The following FBXL17 variants were observed in gnomAD, a reference collection of about 807,000 sequenced individuals.
FBXL17 encodes the protein F-box/LRR-repeat protein 17.
In FBXL17, 22 loss-of-function variants were observed where a neutral mutation model predicts 66.2. That is an observed-to-expected ratio of 0.33 (90% CI 0.24 to 0.47). The LOEUF (loss-of-function observed/expected upper bound fraction) is 0.47, where lower values mean the gene tolerates loss of function less well. Ranked by LOEUF, FBXL17 falls within the 20% of genes least tolerant of loss-of-function variation. The pLI is 1.00. For synonymous variants in FBXL17, 474 were observed against 400.5 expected (o/e 1.18, Z -2.19); for missense variants, 878 against 948.2 (o/e 0.93, Z 0.97).
chr5:108,377,516 T>C (rs1749530070), intron 1 of FBXL17, among the ~76,000 whole-genome samples: 1 of 152,264 alleles, frequency 6.6e-6, no homozygotes, highest in South Asian at 2.1e-4. Flanking sequence ...CCAAAAGTGC[T>C]GGGACAGGAG....
intron 6 of FBXL17, among the ~76,000 whole-genome samples, chr5:108,093,237 C>A (rs1414139831): frequency 6.6e-6 from 1 of 151,428 alleles, no homozygotes; most frequent in Non-Finnish European, 1.5e-5. Context: ...TGTGCCATAA[C>A]CTACTGTTAT....
Position 108,053,128 on chromosome 5 carries a change from A to G in FBXL17, c.1746-32127T>C, listed in dbSNP as rs193287473. 3.3e-5 allele frequency among the ~76,000 whole-genome samples: 5 copies of G among 152,366 alleles called. No homozygotes were observed. In the East Asian group the frequency reaches 9.6e-4, roughly 29 times the overall value. On this transcript the variant is annotated intron_variant, in intron 6 of 8. Coordinates refer to ENST00000542267, the MANE Select transcript of FBXL17 (RefSeq NM_001163315.3). Reference sequence around the variant, plus strand: ...AAACCTAGGTGATACCATTCAGGACATAGGCAGTGGCAAAGACTTCAGGAC... The same window carrying G: ...AAACCTAGGTGATACCATTCAGGACGTAGGCAGTGGCAAAGACTTCAGGAC...
At chr5:108,230,378 T>C (rs899330266) in intron 4 of FBXL17, among the ~76,000 whole-genome samples, 2 of 152,140 alleles carry the variant, frequency 1.3e-5, no homozygotes, top group Non-Finnish European at 2.9e-5. Flanking sequence ...CACAACAGAA[T>C]ATTTCTCAGC....
chr5:107,943,587 G>T (rs112490205), intron 7 of FBXL17, among the ~76,000 whole-genome samples: 97 of 145,698 alleles, frequency 6.7e-4, no homozygotes, highest in African/African-American at 2.4e-3. Context: ...AATCATTGTA[G>T]TTAATCTTCC....
chr5:107,949,463 T>C (rs1217770864), intron 7 of FBXL17, among the ~76,000 whole-genome samples: 3 of 152,200 alleles, frequency 2.0e-5, no homozygotes, highest in Non-Finnish European at 2.9e-5. Flanking sequence ...AAAATCTTTT[T>C]ACAGACAACA....
At position 108,381,167 on chromosome 5, in the gene FBXL17, G is replaced by C; in HGVS notation, c.525C>G (p.Ala175=). ...GPVRFLGPPA[A]VQLFRGPTPS... ...GTGTCGGCCCCCGGAAGAGCTGCAC[G>C]GCGGCGGGCGGCCCCAGGAAGCGCA... is the stretch of plus-strand genomic sequence containing the variant. Residue 175 remains alanine, a synonymous_variant, in exon 1 of 9, where the codon GCC becomes GCG. Transcript: ENST00000542267. The C allele has an allele frequency of 2.8e-6, 4 of 1,426,972 alleles. No individual in the cohort carries two copies. Among genetic ancestry groups the C allele is most frequent in the Non-Finnish European group, 2.7e-6 (3 of 1,092,078 alleles). The allele number at this position is 1,426,972 out of a possible 1,614,324, so 88.4% of individuals were successfully genotyped here. A position where few individuals can be genotyped will look rare whatever the true frequency, so the allele number is the denominator to read the frequency against.
intron 7 of FBXL17, among the ~76,000 whole-genome samples, chr5:107,989,928 C>T (rs1396820496): frequency 6.6e-6 from 1 of 152,094 alleles, no homozygotes; most frequent in African/African-American, 2.4e-5. Flanking sequence ...TGAAAAGGAC[C>T]ACCACTGCTG....
intron 7 of FBXL17, among the ~76,000 whole-genome samples, chr5:107,902,171 T>C (rs1368672572): frequency 6.6e-6 from 1 of 152,098 alleles, no homozygotes; most frequent in Non-Finnish European, 1.5e-5. Context: ...GGTTTTTTAG[T>C]TTTTCTGTGT....
chr5:108,251,258 T>G (rs1362257558), intron 4 of FBXL17, among the ~76,000 whole-genome samples: 1 of 152,042 alleles, frequency 6.6e-6, no homozygotes. Flanking sequence ...ATTATCAAAC[T>G]TATTTTTGCC....
chr5:108,298,921 C>T, intron 4 of FBXL17: 1 of 940,938 alleles, frequency 1.1e-6, no homozygotes, highest in Non-Finnish European at 1.3e-6. Context: ...GTATAGCACA[C>T]TGATTTAAAT....
intron 7 of FBXL17, among the ~76,000 whole-genome samples, chr5:107,913,518 A>G (rs1226365794): frequency 6.6e-6 from 1 of 152,108 alleles, no homozygotes; most frequent in African/African-American, 2.4e-5. Flanking sequence ...GTCACTTTTT[A>G]TGTTCCCTTG....
intron 7 of FBXL17, among the ~76,000 whole-genome samples, chr5:107,916,273 G>C (rs1399787056): frequency 6.6e-6 from 1 of 152,182 alleles, no homozygotes; most frequent in East Asian, 1.9e-4. Flanking sequence ...TTAAGGTCAT[G>C]CTTTTAAAGT....
intron 6 of FBXL17, among the ~76,000 whole-genome samples, chr5:108,032,792 G>C (rs56108486): frequency 0.14 from 21,821 of 152,080 alleles, 1,659 homozygotes; most frequent in East Asian, 0.18. Context: ...ACAAGGTTGA[G>C]GTAATTTTTT....
intron 6 of FBXL17, among the ~76,000 whole-genome samples, chr5:108,161,326 AC>A (rs1028512814): frequency 6.6e-6 from 1 of 152,072 alleles, no homozygotes; most frequent in South Asian, 2.1e-4. Flanking sequence ...CTACTAAAAT[AC>A]AAAAAAAAAT....
At chr5:107,986,042 ATAT>A (rs928392369) in intron 7 of FBXL17, among the ~76,000 whole-genome samples, 3 of 152,140 alleles carry the variant, frequency 2.0e-5, no homozygotes, top group African/African-American at 4.8e-5. Flanking sequence ...AGTTATAATA[ATAT>A]TATATGTGGT....
intron 7 of FBXL17, among the ~76,000 whole-genome samples, chr5:107,905,140 A>G (rs1490915368): frequency 1.3e-5 from 2 of 152,158 alleles, no homozygotes; most frequent in African/African-American, 2.4e-5. Flanking sequence ...TAATTTTAAA[A>G]TTATTGCTCT....
intron 3 of FBXL17, 25 bp downstream of exon 3, chr5:108,364,713 T>C: frequency 6.4e-7 from 1 of 1,558,608 alleles, no homozygotes; most frequent in Non-Finnish European, 8.7e-7. Context: ...TCAAGTAAAA[T>C]CACTTTATAA....
At chr5:108,207,289 T>C (rs1006389368) in intron 5 of FBXL17, among the ~76,000 whole-genome samples, 2 of 152,108 alleles carry the variant, frequency 1.3e-5, no homozygotes, top group Non-Finnish European at 2.9e-5. Context: ...TAATAGATGG[T>C]TCTGGTTTCT....
At chr5:107,876,225 G>A (rs922031720) in intron 8 of FBXL17, among the ~76,000 whole-genome samples, 3 of 152,180 alleles carry the variant, frequency 2.0e-5, no homozygotes, top group Admixed American at 6.5e-5. Flanking sequence ...ACTATGCAGG[G>A]ACATAAGAAC....
Sources: gnomAD v4.1 joint callset for allele counts (sites outside exome capture counted in the v4.1 genomes callset) on GRCh38, gnomAD v4.1.1 for gene constraint, MANE v1.5 for transcripts, NCBI Gene and HGNC (gene_info 2026-07-23, HGNC 2026-07-21) for gene names.